The following SARDH variants were observed in gnomAD, a reference collection of about 807,000 sequenced individuals.
SARDH encodes sarcosine dehydrogenase.
In SARDH, 95 loss-of-function variants were observed where a neutral mutation model predicts 109.1. That is an observed-to-expected ratio of 0.87 (90% CI 0.74 to 1.03). The LOEUF (loss-of-function observed/expected upper bound fraction) is 1.03, where lower values mean the gene tolerates loss of function less well. SARDH is among the 50% of genes least tolerant of loss of function. The pLI, the probability that SARDH is intolerant of heterozygous loss-of-function variation, is 0.00. For missense variants in SARDH, 1,267 were observed against 1,287.8 expected (o/e 0.98, Z 0.25); for synonymous variants, 572 against 534.8 (o/e 1.07, Z -0.96).
At chr9:133,659,615 G>A (rs1832385208), downstream of SARDH, among the ~76,000 whole-genome samples, 1 of 152,170 alleles carries the variant, frequency 6.6e-6, no homozygotes, top group African/African-American at 2.4e-5. Flanking sequence ...GAGATGGATG[G>A]GCCTCGGAGT....
At chr9:133,670,221 T>A (rs1370714639) in intron 19 of SARDH, among the ~76,000 whole-genome samples, 4 of 150,064 alleles carry the variant, frequency 2.7e-5, no homozygotes, top group Middle Eastern at 3.5e-3. Flanking sequence ...CCCAGCTACT[T>A]GGGAGGCTGA....
At position 133,734,178 on chromosome 9, in the gene SARDH, G is replaced by A. The variant is rs770311495; in HGVS notation, c.-5C>T. ...GGCTCGGCTCAGTGAGGCCATGGGG[G>A]CTCCAGGCCTCAGCGAAACAGGGAG... On this transcript the variant is annotated 5_prime_UTR_variant, in exon 2 of 21. Coordinates refer to ENST00000439388, the MANE Select transcript of SARDH (RefSeq NM_001134707.2). 6.4e-7 allele frequency: 1 copy of A among 1,566,534 alleles called. No individual in the cohort carries two copies. Among genetic ancestry groups the A allele is most frequent in the Non-Finnish European group, 8.6e-7 (1 of 1,156,950 alleles).
At position 133,696,228 on chromosome 9, in the gene SARDH, G is replaced by A. The variant is rs1055595740; in HGVS notation, c.1802C>T (p.Pro601Leu). 1 of 1,613,740 alleles carries A rather than the reference G, an allele frequency of 6.2e-7. No homozygotes were observed. The highest frequency in any genetic ancestry group is 1.3e-5 in the African/African-American group (1 of 74,916). The part of the protein sequence containing the change: ...DWLFSADVSR[P>L]PGSTVYTCML... Reference sequence around the variant, plus strand: ...CCCAACCTCAGGCTCCATACCTGGGGGTCGGCTGACATCTGCGGAGAAGAG... The same window carrying A: ...CCCAACCTCAGGCTCCATACCTGGGAGTCGGCTGACATCTGCGGAGAAGAG... Residue 601 changes from proline (P) to leucine (L), a missense_variant, in exon 14 of 21, where the codon CCC becomes CTC. Pro to Leu is a moderately conservative substitution (Grantham distance 98, BLOSUM62 -3). Transcript: ENST00000439388.
intron 6 of SARDH, among the ~76,000 whole-genome samples, chr9:133,726,800 G>A (rs73548055): frequency 0.21 from 32,047 of 152,050 alleles, 3,561 homozygotes; most frequent in Middle Eastern, 0.27. Flanking sequence ...CCTCCGAAGC[G>A]CCAGCTGGTG....
intron 8 of SARDH, among the ~76,000 whole-genome samples, chr9:133,716,576 C>A (rs994966045): frequency 6.6e-6 from 1 of 151,372 alleles, no homozygotes; most frequent in Non-Finnish European, 1.5e-5. Context: ...GCCCCACACC[C>A]GCCCCCTGGG....
intron 6 of SARDH, among the ~76,000 whole-genome samples, chr9:133,724,406 A>G (rs1172996959): frequency 6.6e-6 from 1 of 152,254 alleles, no homozygotes; most frequent in Non-Finnish European, 1.5e-5. Flanking sequence ...AAGCACATGA[A>G]GAGATGCCCC....
intron 6 of SARDH, among the ~76,000 whole-genome samples, chr9:133,726,914 T>C (rs1832513491): frequency 6.6e-6 from 1 of 152,180 alleles, no homozygotes; most frequent in South Asian, 2.1e-4. Flanking sequence ...CACTCTGTCC[T>C]TCCTGCAGCA....
intron 17 of SARDH, among the ~76,000 whole-genome samples, chr9:133,672,417 T>G (rs1403222192): frequency 6.6e-6 from 1 of 152,230 alleles, no homozygotes; most frequent in Non-Finnish European, 1.5e-5. Flanking sequence ...TCCACAGCAG[T>G]GACCTGGGGC....
At chr9:133,668,370 TCATTCTCCC>T (rs1389969960) in intron 19 of SARDH, among the ~76,000 whole-genome samples, 1 of 89,888 alleles carries the variant, frequency 1.1e-5, no homozygotes, top group South Asian at 5.5e-4. Context: ...TCCCTCACCC[TCATTCTCCC>T]TCAGCCTCCC....
intron 11 of SARDH, among the ~76,000 whole-genome samples, chr9:133,706,772 C>T (rs549720203): frequency 3.3e-5 from 5 of 152,274 alleles, no homozygotes; most frequent in Admixed American, 6.5e-5. Context: ...AACGAGGCCC[C>T]GAGCGCAGGG....
chr9:133,666,894 T>TG lies in SARDH; in HGVS notation c.2496-25dup. 6.2e-7 allele frequency: 1 copy of TG among 1,611,652 alleles called. No homozygotes were observed. Among genetic ancestry groups the TG allele is most frequent in the Non-Finnish European group, 8.5e-7 (1 of 1,179,442 alleles). On this transcript the variant is annotated intron_variant, in intron 19 of 20. Coordinates refer to ENST00000439388, the MANE Select transcript of SARDH (RefSeq NM_001134707.2). The surrounding 1 kb of genome is among the most constrained non-coding windows in gnomAD (Gnocchi z 5.2). ...TGCTGGAAGAAGCAGTAGAGAAAGCTGGGGCCCCAGAAACCGCAGGGTGGG... is the reference window on the plus strand; with the variant it reads ...TGCTGGAAGAAGCAGTAGAGAAAGCTGGGGGCCCCAGAAACCGCAGGGTGGG...
upstream of SARDH, among the ~76,000 whole-genome samples, chr9:133,738,508 G>A (rs561753561): frequency 1.2e-3 from 176 of 152,314 alleles, 2 homozygotes; most frequent in Non-Finnish European, 1.9e-4. Flanking sequence ...GCAGAGCAGG[G>A]TTGTGAACCC....
At chr9:133,699,286 C>T (rs1249580334) in intron 13 of SARDH, among the ~76,000 whole-genome samples, 1 of 152,052 alleles carries the variant, frequency 6.6e-6, no homozygotes, top group Non-Finnish European at 1.5e-5. Flanking sequence ...GCAGGCAGAT[C>T]ACCTGAGGTC....
chr9:133,670,886 C>T, intron 18 of SARDH, 134 bp from the exon 19 acceptor site: 1 of 1,296,014 alleles, frequency 7.7e-7, no homozygotes, highest in Non-Finnish European at 1.0e-6. Context: ...GTCACCTGGG[C>T]AGGAGGCAGG....
rs1282935855 is a variant in SARDH, at chr9:133,705,046, G to T, written c.1471-15C>A. The stretch of plus-strand genomic sequence containing the variant: ...CCAAGGAGTTCCTGAGCAGGAGTGG[G>T]GAACAGGCATCTGTCACGCATGGCC... On this transcript the variant is annotated splice_polypyrimidine_tract_variant and intron_variant, in intron 11 of 20. Coordinates refer to ENST00000439388, the MANE Select transcript of SARDH (RefSeq NM_001134707.2). 1.9e-6 allele frequency: 3 copies of T among 1,580,312 alleles called. No homozygotes were observed. The highest frequency in any genetic ancestry group is 2.3e-5 in the East Asian group (1 of 43,762).
At chr9:133,722,799 C>T (rs529477056) in intron 6 of SARDH, among the ~76,000 whole-genome samples, 9 of 152,144 alleles carry the variant, frequency 5.9e-5, no homozygotes, top group East Asian at 3.9e-4. Flanking sequence ...CTCAGCCTAC[C>T]GAGTAGCTGG....
intron 8 of SARDH, among the ~76,000 whole-genome samples, chr9:133,713,626 C>A (rs1159789899): frequency 6.6e-6 from 1 of 152,236 alleles, no homozygotes. Flanking sequence ...CAAAGGCTCC[C>A]AACTTCTGCG....
In SARDH at chr9:133,723,559, G is replaced by A. The variant is rs539892571; in HGVS notation, c.916-4517C>T. On this transcript the variant is annotated intron_variant, in intron 6 of 20. Coordinates refer to ENST00000439388, the MANE Select transcript of SARDH (RefSeq NM_001134707.2). ...GGGTGGATCACAAGGTCAGGAGATC[G>A]AGACCATCCTTGCTAACGTGGTGAA... Among the ~76,000 whole-genome samples the A allele has an allele frequency of 9.9e-5, 15 of 152,272 alleles. No homozygotes were observed. The South Asian group carries it at 2.7e-3, about 27-fold the overall frequency.
At chr9:133,669,815 AGAACGGGATGG>A (rs1229457144) in intron 19 of SARDH, among the ~76,000 whole-genome samples, 5 of 152,220 alleles carry the variant, frequency 3.3e-5, no homozygotes, top group Non-Finnish European at 7.3e-5. Flanking sequence ...AGACTGAACC[AGAACGGGATGG>A]GAGGTCGTGT....
Sources: gnomAD v4.1 joint callset for allele counts (sites outside exome capture counted in the v4.1 genomes callset) on GRCh38, gnomAD v4.1.1 for gene constraint, Gnocchi (gnomAD v3.1) non-coding constraint, MANE v1.5 for transcripts, NCBI Gene and HGNC (gene_info 2026-07-23, HGNC 2026-07-21) for gene names.